Variants in IGSF11 observed in about 807,000 individuals in gnomAD.
IGSF11 encodes the protein immunoglobulin superfamily member 11.
In IGSF11, 22 loss-of-function variants were observed where a neutral mutation model predicts 41.0. That is an observed-to-expected ratio of 0.54 (90% CI 0.38 to 0.77). The LOEUF is 0.77. IGSF11 is among the 30% of genes least tolerant of loss of function. The pLI, the probability that IGSF11 is intolerant of heterozygous loss-of-function variation, is 0.00. For missense variants in IGSF11, 444 were observed against 530.8 expected (o/e 0.84, Z 1.61); for synonymous variants, 219 against 201.3 (o/e 1.09, Z -0.74).
At chr3:119,043,985 A>G (rs987654242) in intron 1 of IGSF11, among the ~76,000 whole-genome samples, 2 of 152,214 alleles carry the variant, frequency 1.3e-5, no homozygotes, top group Admixed American at 6.5e-5. Flanking sequence ...CAGTTCTGAT[A>G]ATATGACAAA....
intron 1 of IGSF11, among the ~76,000 whole-genome samples, chr3:119,069,686 A>G (rs1321554214): frequency 6.6e-6 from 1 of 152,100 alleles, no homozygotes; most frequent in Non-Finnish European, 1.5e-5. Flanking sequence ...GAATAAACAA[A>G]ATTAGGAAAA....
chr3:119,028,028 C>A (rs890472006), intron 1 of IGSF11, among the ~76,000 whole-genome samples: 2 of 152,066 alleles, frequency 1.3e-5, no homozygotes, highest in African/African-American at 4.8e-5. Context: ...TGGGAGCTAA[C>A]AGAAGTTGTA....
At chr3:119,043,368 G>C (rs781087140) in intron 1 of IGSF11, among the ~76,000 whole-genome samples, 1 of 152,064 alleles carries the variant, frequency 6.6e-6, no homozygotes, top group Admixed American at 6.5e-5. Context: ...CTGATTAGTC[G>C]GGTGTGAGCT....
chr3:119,080,359 G>A (rs1199911537), intron 1 of IGSF11, among the ~76,000 whole-genome samples: 4 of 152,034 alleles, frequency 2.6e-5, no homozygotes, highest in African/African-American at 9.7e-5. Context: ...ACAATTCTAT[G>A]ATCCCTCTCA....
At chr3:118,926,283 G>T (rs1196842832) in intron 3 of IGSF11, 27 bp from the exon 4 acceptor site, 1 of 1,537,668 alleles carries the variant, frequency 6.5e-7, no homozygotes, top group South Asian at 1.2e-5. Context: ...AAGCAATAAA[G>T]TACACATTTT....
intron 1 of IGSF11, among the ~76,000 whole-genome samples, chr3:118,935,264 T>C (rs1943156398): frequency 7.0e-6 from 1 of 143,146 alleles, no homozygotes; most frequent in South Asian, 2.2e-4. Context: ...TATATAAATA[T>C]ATACACACAC....
chr3:118,960,094 C>T (rs978037494), intron 1 of IGSF11, among the ~76,000 whole-genome samples: 1 of 150,760 alleles, frequency 6.6e-6, no homozygotes, highest in African/African-American at 2.4e-5. Context: ...AAAGGTTATA[C>T]ACCCAGGTAA....
intron 1 of IGSF11, chr3:119,105,102 C>A: frequency 7.5e-7 from 1 of 1,333,074 alleles, no homozygotes. Context: ...GAGATAATAA[C>A]CACTAATAGT....
rs1384993228 is a variant in IGSF11 at position 118,917,874 on chromosome 3, C to T, written c.580+8227G>A. On this transcript the variant is annotated intron_variant, in intron 4 of 6. Transcript: ENST00000393775. ...AAATCCTCAATAAAATACTGGCAAA[C>T]CGAATCCAGCAGCACATCAAAAAGC... Among the ~76,000 whole-genome samples, 5 of 139,852 alleles carry T rather than the reference C, an allele frequency of 3.6e-5. No individual in the cohort carries two copies. In the South Asian group the frequency reaches 1.0e-3, roughly 28 times the overall value. The allele number at this position is 139,852 out of a possible 152,430, so 91.7% of individuals were successfully genotyped here. A position where few individuals can be genotyped will look rare whatever the true frequency, so the allele number is the denominator to read the frequency against.
chr3:119,032,382 C>T (rs1940486472), intron 1 of IGSF11, among the ~76,000 whole-genome samples: 1 of 152,202 alleles, frequency 6.6e-6, no homozygotes, highest in Non-Finnish European at 1.5e-5. Flanking sequence ...CTCCTGGAGA[C>T]AGGTATGCTA....
At chr3:118,999,002 G>T in intron 1 of IGSF11, among the ~76,000 whole-genome samples, 1 of 151,900 alleles carries the variant, frequency 6.6e-6, no homozygotes, top group Admixed American at 6.6e-5. Context: ...TAATAATAAG[G>T]AAATGGGTAT....
chr3:119,078,344 C>T (rs1004806713), intron 1 of IGSF11, among the ~76,000 whole-genome samples: 13 of 152,076 alleles, frequency 8.5e-5, no homozygotes, highest in African/African-American at 2.7e-4. Context: ...TACACCAATA[C>T]AGCATGGTAC....
chr3:118,980,019 G>A (rs935517949), intron 1 of IGSF11, among the ~76,000 whole-genome samples: 6 of 152,276 alleles, frequency 3.9e-5, no homozygotes, highest in Middle Eastern at 3.4e-3. Flanking sequence ...AATAGCAGAT[G>A]TTAGTGAGGA....
chr3:118,906,287 G>A (rs1939582363), intron 4 of IGSF11, among the ~76,000 whole-genome samples: 1 of 152,166 alleles, frequency 6.6e-6, no homozygotes, highest in African/African-American at 2.4e-5. Flanking sequence ...GGAAGCTGCA[G>A]AAGGCAGGGA....
chr3:118,995,927 C>T (rs1034215910), intron 1 of IGSF11, among the ~76,000 whole-genome samples: 10 of 152,102 alleles, frequency 6.6e-5, no homozygotes, highest in African/African-American at 2.2e-4. Context: ...GGATGACAGG[C>T]GTGAGCCACT....
chr3:118,987,092 G>A (rs1361731713), intron 1 of IGSF11, among the ~76,000 whole-genome samples: 1 of 152,138 alleles, frequency 6.6e-6, no homozygotes, highest in Admixed American at 6.5e-5. Flanking sequence ...TGGAAGCTCA[G>A]GTTAAATCCA....
chr3:119,081,596 C>A (rs2076587048), intron 1 of IGSF11, among the ~76,000 whole-genome samples: 9 of 152,174 alleles, frequency 5.9e-5, no homozygotes, highest in Admixed American at 5.9e-4. Flanking sequence ...TTTAGAAATT[C>A]TAGTCCTGGT....
chr3:119,020,411 C>G (rs1399878494), intron 1 of IGSF11, among the ~76,000 whole-genome samples: 1 of 152,210 alleles, frequency 6.6e-6, no homozygotes, highest in African/African-American at 2.4e-5. Flanking sequence ...TCCAAAGAAC[C>G]ACACTCCAAA....
At position 119,118,898 on chromosome 3, in the gene IGSF11, G is replaced by A. The variant is rs569311318; in HGVS notation, c.-13-13693C>T. On this transcript the variant is annotated intron_variant, in intron 1 of 7. Coordinates refer to the IGSF11 transcript ENST00000425327. ...CAGGGGCAAAATGCCACCAGTCTCTGTGCTAAAATGTAACAAGAATCACCT... is the reference window on the plus strand; with the variant it reads ...CAGGGGCAAAATGCCACCAGTCTCTATGCTAAAATGTAACAAGAATCACCT... Among the ~76,000 whole-genome samples the A allele has an allele frequency of 1.3e-4, 18 of 138,350 alleles. No individual in the cohort carries two copies. In the South Asian group the frequency reaches 3.4e-3, roughly 26 times the overall value. 90.8% of individuals were successfully genotyped at this position (138,350 alleles called of 152,430 possible).
Sources: allele counts gnomAD v4.1 joint callset (sites outside exome capture counted in the v4.1 genomes callset), GRCh38; gene constraint gnomAD v4.1.1; transcripts MANE v1.5; gene names NCBI Gene and HGNC (gene_info 2026-07-23, HGNC 2026-07-21).